TRIM33: variants seen among roughly 807,000 people sequenced by gnomAD.
The protein encoded by TRIM33 is tripartite motif containing 33.
TRIM33 carries 20 observed loss-of-function variants against 125.4 expected under a neutral mutation model. The observed-to-expected ratio is 0.16, with a 90% CI of 0.11 to 0.23. TRIM33 has a LOEUF of 0.23. Ranked by LOEUF, TRIM33 falls within the 10% of genes least tolerant of loss-of-function variation. The pLI is 1.00. For missense variants in TRIM33, 920 were observed against 1,411.4 expected (o/e 0.65, Z 5.58); for synonymous variants, 564 against 513.9 (o/e 1.10, Z -1.32).
chr1:114,393,914 A>C lies in TRIM33; in HGVS notation c.*3734T>G. 4.6e-6 allele frequency: 1 copy of C among 219,514 alleles called. No homozygotes were observed. The highest frequency in any genetic ancestry group is 6.7e-5 in the East Asian group (1 of 14,830). 13.6% of individuals were successfully genotyped at this position (219,514 alleles called of 1,614,324 possible). ...GATATGCATACAAACTTTCCTATAAAATCACCATCCAGGAGAGGATTCTGA... is the reference window on the plus strand; with the variant it reads ...GATATGCATACAAACTTTCCTATAACATCACCATCCAGGAGAGGATTCTGA... On this transcript the variant is annotated 3_prime_UTR_variant, in exon 20 of 20. Coordinates refer to ENST00000358465, the MANE Select transcript of TRIM33 (RefSeq NM_015906.4).
chr1:114,433,967 G>A (rs1406829771), intron 4 of TRIM33, among the ~76,000 whole-genome samples: 1 of 152,156 alleles, frequency 6.6e-6, no homozygotes, highest in Non-Finnish European at 1.5e-5. Context: ...ATGGTTGAGT[G>A]CTCTTATATT....
chr1:114,485,001 G>C (rs527901621), intron 1 of TRIM33, among the ~76,000 whole-genome samples: 2 of 150,936 alleles, frequency 1.3e-5, no homozygotes, highest in Admixed American at 6.6e-5. Context: ...GCAGTGAGCC[G>C]AGATCACACC....
At chr1:114,484,838 C>G (rs1290384081) in intron 1 of TRIM33, among the ~76,000 whole-genome samples, 1 of 151,958 alleles carries the variant, frequency 6.6e-6, no homozygotes, top group Non-Finnish European at 1.5e-5. Flanking sequence ...GCACTCCAGC[C>G]TGGATGACAG....
chr1:114,413,801 T>C (rs1336518949), intron 11 of TRIM33, among the ~76,000 whole-genome samples: 1 of 151,978 alleles, frequency 6.6e-6, no homozygotes, highest in Non-Finnish European at 1.5e-5. Context: ...GAGGATCACT[T>C]GAGACTAGGA....
intron 1 of TRIM33, among the ~76,000 whole-genome samples, chr1:114,484,037 T>A (rs141475759): frequency 2.2e-3 from 328 of 152,300 alleles, no homozygotes; most frequent in Non-Finnish European, 3.8e-3. Context: ...GAGACACATC[T>A]GGGTCACTCA....
At chr1:114,453,513 T>C (rs1274331362) in intron 4 of TRIM33, among the ~76,000 whole-genome samples, 1 of 151,890 alleles carries the variant, frequency 6.6e-6, no homozygotes, top group Non-Finnish European at 1.5e-5. Flanking sequence ...AGATAAGAGA[T>C]TGTTTAGTAA....
In TRIM33 at chr1:114,412,903, G is replaced by A. The variant is rs79044202; in HGVS notation, c.2062-2587C>T. On this transcript the variant is annotated intron_variant, in intron 11 of 19. Transcript: ENST00000358465. ...GGCTGAATCATTATGACAGATACAC[G>A]TTTAACTTTTAAAGAAACCGCTGAA... Among the ~76,000 whole-genome samples, 13 of 152,274 alleles carry A rather than the reference G, an allele frequency of 8.5e-5. No individual in the cohort carries two copies. In the East Asian group the frequency reaches 1.2e-3, roughly 14 times the overall value.
intron 4 of TRIM33, among the ~76,000 whole-genome samples, chr1:114,451,596 C>T (rs902177653): frequency 6.6e-6 from 1 of 151,426 alleles, no homozygotes; most frequent in African/African-American, 2.4e-5. Context: ...CTTCTAAAGC[C>T]ATAAAGTAAA....
intron 4 of TRIM33, among the ~76,000 whole-genome samples, chr1:114,460,863 T>C (rs1056985569): frequency 6.6e-6 from 1 of 152,160 alleles, no homozygotes; most frequent in African/African-American, 2.4e-5. Context: ...TGCTCAAATC[T>C]AAAATCACAA....
At chr1:114,464,716 C>A (rs781265844) in intron 1 of TRIM33, among the ~76,000 whole-genome samples, 2 of 152,096 alleles carry the variant, frequency 1.3e-5, no homozygotes, top group African/African-American at 2.4e-5. Context: ...TTTACAGATG[C>A]GATTAAGGCT....
In TRIM33 at chr1:114,397,208, T is replaced by G. The variant is rs1651582433; in HGVS notation, c.*440A>C. 1 of 239,562 alleles carries G rather than the reference T, an allele frequency of 4.2e-6. No individual in the cohort carries two copies. The highest frequency in any genetic ancestry group is 8.3e-6 in the Non-Finnish European group (1 of 121,064). 14.8% of individuals were successfully genotyped at this position (239,562 alleles called of 1,614,324 possible). A position where few individuals can be genotyped will look rare whatever the true frequency, so the allele number is the denominator to read the frequency against. On this transcript the variant is annotated 3_prime_UTR_variant, in exon 20 of 20. Coordinates refer to ENST00000358465, the MANE Select transcript of TRIM33 (RefSeq NM_015906.4). ...ACTAGAAAACAACCTGATATGTATG[T>G]GTGTGAAGGGGGAGGGTTAAAAGTT...
chr1:114,509,693 C>G (rs1653220628), intron 1 of TRIM33, among the ~76,000 whole-genome samples: 1 of 152,202 alleles, frequency 6.6e-6, no homozygotes, highest in African/African-American at 2.4e-5. Context: ...TCATGGATTT[C>G]CTTTCCTGTG....
chr1:114,414,855 G>A (rs1231854557), intron 11 of TRIM33, among the ~76,000 whole-genome samples: 2 of 151,848 alleles, frequency 1.3e-5, no homozygotes, highest in East Asian at 3.9e-4. Context: ...TCCTCCCAAA[G>A]CTTACTTTTT....
chr1:114,447,625 A>T (rs1404305126), intron 4 of TRIM33, among the ~76,000 whole-genome samples: 3 of 152,228 alleles, frequency 2.0e-5, no homozygotes, highest in Non-Finnish European at 2.9e-5. Flanking sequence ...TTTAAGCCCT[A>T]AGACTATACG....
intron 1 of TRIM33, among the ~76,000 whole-genome samples, chr1:114,470,787 G>A (rs1007907805): frequency 6.6e-6 from 1 of 152,164 alleles, no homozygotes; most frequent in African/African-American, 2.4e-5. Context: ...AGTTGTGAAT[G>A]CAAAGGAAAA....
Position 114,427,910 on chromosome 1 carries a change from A to G in TRIM33, c.1156-16T>C, listed in dbSNP as rs772671481. ...TTGTAACATTCTGAAACAGAACAAG[A>G]GCTTCGCTGTAGAATTCCATATGAA... On this transcript the variant is annotated splice_polypyrimidine_tract_variant and intron_variant, in intron 6 of 19. Coordinates refer to ENST00000358465, the MANE Select transcript of TRIM33 (RefSeq NM_015906.4). 2 of 1,613,144 alleles carry G rather than the reference A, an allele frequency of 1.2e-6. No homozygotes were observed. Among genetic ancestry groups the G allele is most frequent in the Non-Finnish European group, 1.7e-6 (2 of 1,179,378 alleles).
chr1:114,506,844 A>G (rs571232801), intron 1 of TRIM33, among the ~76,000 whole-genome samples: 5 of 152,210 alleles, frequency 3.3e-5, no homozygotes, highest in Admixed American at 6.5e-5. Context: ...AAATATTTAA[A>G]TCTGTGTTCC....
chr1:114,443,079 T>C (rs1374825927), intron 4 of TRIM33, among the ~76,000 whole-genome samples: 1 of 151,920 alleles, frequency 6.6e-6, no homozygotes, highest in Non-Finnish European at 1.5e-5. Flanking sequence ...TCCCTTTTTT[T>C]TTTTTTAAAT....
chr1:114,429,689 CATT>C (rs929296686), intron 6 of TRIM33, among the ~76,000 whole-genome samples: 11 of 151,098 alleles, frequency 7.3e-5, no homozygotes, highest in African/African-American at 2.7e-4. Context: ...TAAATCATTT[CATT>C]ATTACTATTC....
Sources: gnomAD v4.1 joint callset for allele counts (sites outside exome capture counted in the v4.1 genomes callset) on GRCh38, gnomAD v4.1.1 for gene constraint, MANE v1.5 for transcripts, NCBI Gene and HGNC (gene_info 2026-07-23, HGNC 2026-07-21) for gene names.